CPE: variants seen among roughly 807,000 people sequenced by gnomAD.
The protein encoded by CPE is carbocypeptidase E.
In CPE, 17 loss-of-function variants were observed where a neutral mutation model predicts 53.5. The ratio of observed to expected loss-of-function variants is 0.32; its 90% CI spans 0.22 to 0.48. The LOEUF is 0.48. CPE is among the 20% of genes least tolerant of loss of function. CPE has a pLI of 0.99. For synonymous variants in CPE, 226 were observed against 228.8 expected (o/e 0.99, Z 0.11); for missense variants, 524 against 614.7 (o/e 0.85, Z 1.56).
chr4:165,497,299 A>G (rs751506510), intron 8 of CPE, among the ~76,000 whole-genome samples: 1 of 152,196 alleles, frequency 6.6e-6, no homozygotes, highest in Non-Finnish European at 1.5e-5. Context: ...TATTAAATCA[A>G]AGGACATTTC....
At chr4:165,411,739 A>G (rs1368693839) in intron 1 of CPE, among the ~76,000 whole-genome samples, 1 of 152,226 alleles carries the variant, frequency 6.6e-6, no homozygotes, top group Non-Finnish European at 1.5e-5. Context: ...TGATTAATGC[A>G]ATAAAAAATT....
chr4:165,416,016 C>T (rs1731116525), intron 1 of CPE, among the ~76,000 whole-genome samples: 1 of 152,146 alleles, frequency 6.6e-6, no homozygotes, highest in South Asian at 2.1e-4. Flanking sequence ...TTCTGCAGTT[C>T]TAGGCATGGC....
intron 2 of CPE, among the ~76,000 whole-genome samples, chr4:165,465,778 T>A (rs950105414): frequency 6.6e-6 from 1 of 152,154 alleles, no homozygotes; most frequent in Admixed American, 6.5e-5. Context: ...GGGAGACATG[T>A]TATTAGTCTA....
At chr4:165,452,191 CAGTT>C (rs1020931732) in intron 1 of CPE, among the ~76,000 whole-genome samples, 4 of 152,104 alleles carry the variant, frequency 2.6e-5, no homozygotes, top group South Asian at 4.1e-4. Context: ...TTAATGGACA[CAGTT>C]AGCTAGAAGA....
intron 3 of CPE, among the ~76,000 whole-genome samples, chr4:165,472,977 A>C (rs1732235011): frequency 6.6e-6 from 1 of 152,234 alleles, no homozygotes; most frequent in Non-Finnish European, 1.5e-5. Context: ...ACAGAAATGC[A>C]GAAAAGGTTT....
rs532192464 is a variant in CPE, at chr4:165,388,752, G to A, written c.307+9224G>A. Among the ~76,000 whole-genome samples, 1,042 of 105,900 alleles carry A rather than the reference G, an allele frequency of 9.8e-3. 6 individuals are homozygous for A. The highest frequency in any genetic ancestry group is 0.039 in the African/African-American group (986 of 25,314). 69.5% of individuals were successfully genotyped at this position (105,900 alleles called of 152,430 possible). On this transcript the variant is annotated intron_variant, in intron 1 of 8. Coordinates refer to ENST00000402744, the MANE Select transcript of CPE (RefSeq NM_001873.4). ...AAAATGTTAAAGACATTTGCAAAAT[G>A]AAATACTTTTTGTCCTTTTTGTGTT... is the stretch of plus-strand genomic sequence containing the variant.
At chr4:165,405,493 C>T in intron 1 of CPE, 1 of 885,544 alleles carries the variant, frequency 1.1e-6, no homozygotes, top group Admixed American at 1.7e-5. Context: ...CTTTAGTCCG[C>T]TTTCACACTT....
intron 1 of CPE, among the ~76,000 whole-genome samples, chr4:165,403,640 C>T (rs1730905174): frequency 6.6e-6 from 1 of 150,766 alleles, no homozygotes; most frequent in Non-Finnish European, 1.5e-5. Flanking sequence ...TGTTGAAAGC[C>T]TCTTGTAATT....
intron 1 of CPE, among the ~76,000 whole-genome samples, chr4:165,432,261 C>T (rs868806652): frequency 1.3e-5 from 2 of 152,200 alleles, no homozygotes; most frequent in African/African-American, 4.8e-5. Context: ...AGACACTGCA[C>T]AAAGAGCTGA....
At chr4:165,400,911 G>C (rs1730856050) in intron 1 of CPE, among the ~76,000 whole-genome samples, 1 of 152,146 alleles carries the variant, frequency 6.6e-6, no homozygotes, top group African/African-American at 2.4e-5. Flanking sequence ...CATATTCAGT[G>C]TTCCTGGGGT....
intron 1 of CPE, among the ~76,000 whole-genome samples, chr4:165,459,678 G>GC (rs1560888567): frequency 6.1e-5 from 8 of 131,954 alleles, no homozygotes; most frequent in South Asian, 2.4e-4. Flanking sequence ...GCTGGGTGGG[G>GC]GGGGGCGGGG....
chr4:165,388,097 A>G (rs1730626366), intron 1 of CPE, among the ~76,000 whole-genome samples: 1 of 152,214 alleles, frequency 6.6e-6, no homozygotes, highest in Non-Finnish European at 1.5e-5. Context: ...TAAAATCATA[A>G]AATCTTTCCT....
rs74287122 is a variant in CPE at position 165,444,540 on chromosome 4, A to G, written c.308-19850A>G. 7.0e-4 allele frequency among the ~76,000 whole-genome samples: 107 copies of G among 152,140 alleles called. 1 individual carries two copies. The East Asian group carries it at 0.013, about 18-fold the overall frequency. On this transcript the variant is annotated intron_variant, in intron 1 of 8. Transcript: ENST00000402744. ...AAAAAGAAAAGAAAAAGATATCACC[A>G]TGAGAGGTAGATCATTGCAGCATTG...
Position 165,379,399 on chromosome 4 carries a change from C to T in CPE, c.178C>T (p.Arg60Cys). 6.2e-7 allele frequency: 1 copy of T among 1,609,852 alleles called. No individual in the cohort carries two copies. The change falls in exon 1 of 9, where the codon CGC (arginine) becomes TGC (cysteine). Residue 60 changes from arginine to cysteine, a missense_variant. Arg to Cys is a radical substitution (Grantham distance 180). Transcript: ENST00000402744. This position sits in a 1 kb window ranked among gnomAD's most constrained non-coding sequence, Gnocchi z 6.0. ...CGAGTACCACCGCTACCCCGAGCTGCGCGAGGCGCTCGTGTCCGTGTGGCT... is the reference window on the plus strand; with the variant it reads ...CGAGTACCACCGCTACCCCGAGCTGTGCGAGGCGCTCGTGTCCGTGTGGCT... ...SFEYHRYPEL[R>C]EALVSVWLQC...
At chr4:165,490,546 T>C (rs1732582647) in intron 6 of CPE, among the ~76,000 whole-genome samples, 1 of 139,208 alleles carries the variant, frequency 7.2e-6, no homozygotes, top group African/African-American at 2.7e-5. Context: ...GGCAGGAGAA[T>C]GGCATGAACC....
In CPE at chr4:165,498,425, A is replaced by G. The variant is rs1267092205; in HGVS notation, c.*815A>G. Reference sequence around the variant, plus strand: ...GGCTTCTCATATATTCATCCTGTACATTTTAAAATTTGTTAAGCAACTACT... The same window carrying G: ...GGCTTCTCATATATTCATCCTGTACGTTTTAAAATTTGTTAAGCAACTACT... On this transcript the variant is annotated 3_prime_UTR_variant, in exon 9 of 9. Transcript: ENST00000402744. The G allele has an allele frequency of 6.6e-6, 1 of 152,146 alleles. No homozygotes were observed. The highest frequency in any genetic ancestry group is 6.6e-5 in the Admixed American group (1 of 15,264). The allele number at this position is 152,146 out of a possible 1,614,324, so 9.4% of individuals were successfully genotyped here.
intron 3 of CPE, among the ~76,000 whole-genome samples, chr4:165,468,931 C>T (rs1275356025): frequency 6.6e-6 from 1 of 152,296 alleles, no homozygotes; most frequent in African/African-American, 2.4e-5. Context: ...TAAATCATGG[C>T]TTCATACTTG....
chr4:165,396,705 C>G (rs9994574), intron 1 of CPE, among the ~76,000 whole-genome samples: 79,963 of 149,112 alleles, frequency 0.54, 22,024 homozygotes, highest in African/African-American at 0.69. Context: ...TTATTAAAAA[C>G]AATAAGATAG....
chr4:165,431,727 T>C (rs1402106138), intron 1 of CPE, among the ~76,000 whole-genome samples: 3 of 152,136 alleles, frequency 2.0e-5, no homozygotes, highest in Non-Finnish European at 4.4e-5. Flanking sequence ...GGCAGAGATA[T>C]CTGAAAGCTG....
Sources: gnomAD v4.1 joint callset for allele counts (sites outside exome capture counted in the v4.1 genomes callset) on GRCh38, gnomAD v4.1.1 for gene constraint, Gnocchi (gnomAD v3.1) non-coding constraint, MANE v1.5 for transcripts, NCBI Gene and HGNC (gene_info 2026-07-23, HGNC 2026-07-21) for gene names.